Variants in PDCD6IP observed in about 807,000 individuals in gnomAD.
PDCD6IP encodes the protein programmed cell death 6 interacting protein, also known as programmed cell death 6-interacting protein.
Under a neutral mutation model 103.7 loss-of-function variants are expected in PDCD6IP, and 43 were observed. That is an observed-to-expected ratio of 0.41 (90% CI 0.32 to 0.53). The LOEUF (loss-of-function observed/expected upper bound fraction) is 0.53. Among genes scored for constraint, PDCD6IP ranks in the 20% least tolerant of loss-of-function variants. The probability of loss-of-function intolerance (pLI) is 0.16; values close to 1 mark genes in which losing one functional copy is unlikely to be tolerated. For synonymous variants in PDCD6IP, 354 were observed against 378.7 expected, an observed-to-expected ratio of 0.93 and a Z score of 0.76; for missense variants, 871 against 1,036.7, an observed-to-expected ratio of 0.84 and a Z score of 2.20.
intron 15 of PDCD6IP, among the ~76,000 whole-genome samples, chr3:33,861,723 T>A (rs1163288831): frequency 6.6e-6 from 1 of 152,234 alleles, no homozygotes; most frequent in Non-Finnish European, 1.5e-5. Context: ...GCTATTCTGC[T>A]GGGTTTGTAG....
At chr3:33,805,270 G>T (rs1392646542) in intron 1 of PDCD6IP, among the ~76,000 whole-genome samples, 1 of 151,134 alleles carries the variant, frequency 6.6e-6, no homozygotes, top group African/African-American at 2.4e-5. Flanking sequence ...GCAGAGAATT[G>T]CTTGAACCCG....
chr3:33,799,115 C>G, intron 1 of PDCD6IP, 178 bp downstream of exon 1: 1 of 637,462 alleles, frequency 1.6e-6, no homozygotes, highest in South Asian at 2.0e-5. Context: ...CCCTGCAGGC[C>G]CGCTGTGACT....
intron 3 of PDCD6IP, among the ~76,000 whole-genome samples, chr3:33,815,805 C>A (rs1696835980): frequency 6.6e-6 from 1 of 152,162 alleles, no homozygotes; most frequent in African/African-American, 2.4e-5. Context: ...GTAGACATTT[C>A]TCTGGCATTT....
intron 1 of PDCD6IP, among the ~76,000 whole-genome samples, chr3:33,808,216 A>G (rs1286196476): frequency 6.6e-6 from 1 of 152,196 alleles, no homozygotes; most frequent in Non-Finnish European, 1.5e-5. Flanking sequence ...TATGAAGAAA[A>G]TGTTCAGGGA....
chr3:33,817,589 C>T (rs1696882882), intron 3 of PDCD6IP, among the ~76,000 whole-genome samples: 1 of 151,590 alleles, frequency 6.6e-6, no homozygotes, highest in Non-Finnish European at 1.5e-5. Context: ...TCTGTCTCTA[C>T]AAAAAATAAA....
intron 12 of PDCD6IP, among the ~76,000 whole-genome samples, chr3:33,849,612 G>A (rs532342698): frequency 6.6e-6 from 1 of 152,270 alleles, no homozygotes; most frequent in South Asian, 2.1e-4. Context: ...AGCTGGAGTT[G>A]TGTATAAGAA....
chr3:33,865,905 C>T (rs1034427532), intron 17 of PDCD6IP, among the ~76,000 whole-genome samples: 1 of 152,116 alleles, frequency 6.6e-6, no homozygotes, highest in Admixed American at 6.5e-5. Context: ...CATTTGACTA[C>T]CTTTTAAGAT....
At chr3:33,848,641 G>T (rs905824401) in intron 12 of PDCD6IP, among the ~76,000 whole-genome samples, 8 of 152,150 alleles carry the variant, frequency 5.3e-5, no homozygotes, top group African/African-American at 1.7e-4. Context: ...TTGACCTTGT[G>T]ATCCACCCAC....
chr3:33,855,858 AAAC>A (rs748107585), intron 15 of PDCD6IP, among the ~76,000 whole-genome samples: 23 of 152,178 alleles, frequency 1.5e-4, no homozygotes, highest in African/African-American at 3.9e-4. Flanking sequence ...AGCTAAACAA[AAAC>A]AACAACAACA....
rs564583539 is a variant in PDCD6IP at position 33,841,315 on chromosome 3, A to G, written c.1182-582A>G. Among the ~76,000 whole-genome samples the G allele has an allele frequency of 6.6e-5, 10 of 151,702 alleles. No individual in the cohort carries two copies. The East Asian group carries it at 1.9e-3, about 29-fold the overall frequency. On this transcript the variant is annotated intron_variant, in intron 9 of 17. Transcript: ENST00000307296. ...AGTGCTGGGATTACAGGTGTGAGCC[A>G]CTGCACCAGCCTATTTTTTGGCTTT...
intron 7 of PDCD6IP, among the ~76,000 whole-genome samples, chr3:33,833,586 A>G (rs1697285528): frequency 6.6e-6 from 1 of 151,730 alleles, no homozygotes. Flanking sequence ...TTTGGCTATC[A>G]CTCACTCTGG....
chr3:33,829,089 C>A (rs1697191329), intron 7 of PDCD6IP, 120 bp downstream of exon 7: 6 of 608,462 alleles, frequency 9.9e-6, no homozygotes, highest in Non-Finnish European at 1.3e-5. Context: ...TCAGCAGGGA[C>A]AAGTGATTGT....
At chr3:33,799,059 A>C in intron 1 of PDCD6IP, 122 bp downstream of exon 1, 1 of 941,832 alleles carries the variant, frequency 1.1e-6, no homozygotes, top group Non-Finnish European at 1.5e-6. Context: ...CGGCCTGACC[A>C]GGCGCGTAGG....
chr3:33,836,127 T>C lies in PDCD6IP; in HGVS notation c.918T>C (p.Arg306=). ...AGGATTTTTCTGACAAAATCAATCG[T>C]GCCCTTGCTGCAGCAAAGAAGGATA... ...NVKDFSDKIN[R]ALAAAKKDND... is the part of the protein sequence containing the mutation. Residue 306 remains arginine (R), a synonymous_variant, in exon 8 of 18, where the codon CGT becomes CGC. Transcript: ENST00000307296. The C allele has an allele frequency of 1.2e-6, 2 of 1,610,834 alleles. No homozygotes were observed. Among genetic ancestry groups the C allele is most frequent in the Non-Finnish European group, 1.7e-6 (2 of 1,177,012 alleles).
intron 12 of PDCD6IP, 111 bp downstream of exon 12, chr3:33,845,699 A>G: frequency 2.6e-6 from 2 of 766,278 alleles, no homozygotes; most frequent in Middle Eastern, 4.9e-4. Flanking sequence ...AAAATGCAGA[A>G]ATAAATTGGG....
At chr3:33,846,658 G>A (rs879036183) in intron 12 of PDCD6IP, among the ~76,000 whole-genome samples, 3 of 152,078 alleles carry the variant, frequency 2.0e-5, no homozygotes, top group East Asian at 1.9e-4. Flanking sequence ...GTGTAGGATC[G>A]GAGAAGGGCT....
chr3:33,848,410 C>CTT lies in PDCD6IP; in HGVS notation c.1641+2833_1641+2834dup, dbSNP rs537896343. 6.7e-3 allele frequency among the ~76,000 whole-genome samples: 978 copies of CTT among 145,718 alleles called. 11 individuals carry two copies. The highest frequency in any genetic ancestry group is 0.022 in the African/African-American group (889 of 39,952). On this transcript the variant is annotated intron_variant, in intron 12 of 17. Transcript: ENST00000307296. ...TTTTGTTGAGGGCATTTCTTTCTTT[C>CTT]TTTTTTTTTTTTGAGACGGAGTCTT...
chr3:33,851,904 C>G (rs779502546), intron 12 of PDCD6IP, among the ~76,000 whole-genome samples: 7 of 152,206 alleles, frequency 4.6e-5, no homozygotes, highest in Non-Finnish European at 5.9e-5. Flanking sequence ...TCATAGCTGT[C>G]TCTATTTCTG....
At position 33,842,228 on chromosome 3, in the gene PDCD6IP, A is replaced by G. The variant is rs190117264; in HGVS notation, c.1359+154A>G. 2.1e-3 allele frequency among the ~76,000 whole-genome samples: 317 copies of G among 152,330 alleles called. 3 individuals carry two copies. The highest frequency in any genetic ancestry group is 7.1e-3 in the African/African-American group (294 of 41,580). On this transcript the variant is annotated intron_variant, in intron 10 of 17. Transcript: ENST00000307296. ...TGTGGCCCAGAGCCTTCTCTTTAGC[A>G]TAAGAGAAATTCTGGTTGAGTGAGA...
Sources: gnomAD v4.1 joint callset for allele counts (sites outside exome capture counted in the v4.1 genomes callset) on GRCh38, gnomAD v4.1.1 for gene constraint, MANE v1.5 for transcripts, NCBI Gene and HGNC (gene_info 2026-07-23, HGNC 2026-07-21) for gene names.